Variants in KCNQ1 observed in about 807,000 individuals in gnomAD.
The protein encoded by KCNQ1 is potassium voltage-gated channel subfamily KQT member 1.
A neutral mutation model predicts 72.4 loss-of-function variants in KCNQ1; 49 were observed. That is an observed-to-expected ratio of 0.68 (90% CI 0.54 to 0.86). KCNQ1 has a LOEUF of 0.86. KCNQ1 is among the 40% of genes least tolerant of loss of function. The pLI is 0.00. For missense variants in KCNQ1, 790 were observed against 945.1 expected, an observed-to-expected ratio of 0.84 and a Z score of 2.15; for synonymous variants, 450 against 412.6, an observed-to-expected ratio of 1.09 and a Z score of -1.10.
chr11:2,622,505 A>G (rs1015057444), intron 10 of KCNQ1: 7 of 398,428 alleles, frequency 1.8e-5, no homozygotes, highest in African/African-American at 1.2e-4. Context: ...CATTCTGCCA[A>G]CCTCTGCTTT....
At chr11:2,631,025 T>C in intron 10 of KCNQ1, 1 of 398,548 alleles carries the variant, frequency 2.5e-6, no homozygotes, top group Non-Finnish European at 4.4e-6. Context: ...TCTTCCATTT[T>C]TTACATTTTG....
At chr11:2,539,450 C>T (rs1023239308) in intron 2 of KCNQ1, among the ~76,000 whole-genome samples, 3 of 152,230 alleles carry the variant, frequency 2.0e-5, no homozygotes, top group Non-Finnish European at 4.4e-5. Context: ...TTAGACAATA[C>T]CTGACATCTT....
At chr11:2,641,009 G>T in intron 10 of KCNQ1, 1 of 398,382 alleles carries the variant, frequency 2.5e-6, no homozygotes, top group South Asian at 1.3e-4. Context: ...ATTCTTCTTT[G>T]GTCAATTAGT....
In KCNQ1 at chr11:2,608,633, A is replaced by G; in HGVS notation, c.1393+19779A>G. On this transcript the variant is annotated intron_variant, in intron 10 of 15. Coordinates refer to ENST00000155840, the MANE Select transcript of KCNQ1 (RefSeq NM_000218.3). The surrounding 1 kb of genome is among the most constrained non-coding windows in gnomAD (Gnocchi z 4.6). ...TGCACCACAACACCAGCTGTTATTC[A>G]AAAAATATTTTGTAGAGATAGGGTC... 2.5e-6 allele frequency: 1 copy of G among 397,906 alleles called. No individual in the cohort carries two copies. The allele number at this position is 397,906 out of a possible 1,614,324, so 24.6% of individuals were successfully genotyped here. A position where few individuals can be genotyped will look rare whatever the true frequency, so the allele number is the denominator to read the frequency against.
rs887908875 is a variant in KCNQ1, at chr11:2,645,007, C to A, written c.1394-16954C>A. ...TATGCTGGTACCAGTGTTAGCAAGT[C>A]CAGGGAAACCAATTTTGGGCCTCCA... On this transcript the variant is annotated intron_variant, in intron 10 of 15. Transcript: ENST00000155840. The surrounding 1 kb of genome is among the most constrained non-coding windows in gnomAD (Gnocchi z 5.8). The A allele has an allele frequency of 5.0e-6, 2 of 398,548 alleles. No individual in the cohort carries two copies. The highest frequency in any genetic ancestry group is 4.1e-5 in the African/African-American group (2 of 48,610). 24.7% of individuals were successfully genotyped at this position (398,548 alleles called of 1,614,324 possible). A position where few individuals can be genotyped will look rare whatever the true frequency, so the allele number is the denominator to read the frequency against.
In KCNQ1 at chr11:2,674,316, C is replaced by A. The variant is rs182394521; in HGVS notation, c.1514+12235C>A. The A allele has an allele frequency of 5.6e-4, 222 of 398,718 alleles. No individual in the cohort carries two copies. Among genetic ancestry groups the A allele is most frequent in the Non-Finnish European group, 7.6e-4 (171 of 226,168 alleles). 24.7% of individuals were successfully genotyped at this position (398,718 alleles called of 1,614,324 possible). On this transcript the variant is annotated intron_variant, in intron 11 of 15. Transcript: ENST00000155840. The surrounding 1 kb of genome is among the most constrained non-coding windows in gnomAD (Gnocchi z 5.9). The stretch of plus-strand genomic sequence containing the variant: ...CATCATGCAGCCGTAGAGCTGGAGG[C>A]CAAGGACACCCTCTGGAAATCTGAA...
At chr11:2,636,499 A>G (rs1450035616) in intron 10 of KCNQ1, 7 of 152,040 alleles carry the variant, frequency 4.6e-5, no homozygotes, top group Non-Finnish European at 1.0e-4. Flanking sequence ...ATTGATTTGC[A>G]TATGTTGAAC....
At chr11:2,793,441 G>A (rs1315400626) in intron 15 of KCNQ1, among the ~76,000 whole-genome samples, 4 of 106,182 alleles carry the variant, frequency 3.8e-5, no homozygotes, top group East Asian at 1.9e-4. Flanking sequence ...GCAACATAGC[G>A]AGACCCTGTC....
At chr11:2,685,936 C>G in intron 11 of KCNQ1, 1 of 398,774 alleles carries the variant, frequency 2.5e-6, no homozygotes, top group Non-Finnish European at 4.4e-6. Flanking sequence ...GGCCCACTCT[C>G]CCATCCTCCT....
rs763234280 is a variant in KCNQ1, at chr11:2,642,153, A to G, written c.1394-19808A>G. ...TTTAGGATTTTTTCTATTTCCATGA[A>G]AAATGGCATTGGTATTTTGAGAGAG... On this transcript the variant is annotated intron_variant, in intron 10 of 15. Coordinates refer to ENST00000155840, the MANE Select transcript of KCNQ1 (RefSeq NM_000218.3). The surrounding 1 kb of genome is among the most constrained non-coding windows in gnomAD (Gnocchi z 4.3). 5.0e-6 allele frequency: 2 copies of G among 398,372 alleles called. No individual in the cohort carries two copies. Among genetic ancestry groups the G allele is most frequent in the Non-Finnish European group, 8.8e-6 (2 of 226,000 alleles). 24.7% of individuals were successfully genotyped at this position (398,372 alleles called of 1,614,324 possible).
Position 2,626,474 on chromosome 11 carries a change from C to A in KCNQ1, c.1394-35487C>A. 2.5e-6 allele frequency: 1 copy of A among 398,626 alleles called. No homozygotes were observed. The highest frequency in any genetic ancestry group is 4.4e-6 in the Non-Finnish European group (1 of 226,072). The allele number at this position is 398,626 out of a possible 1,614,324, so 24.7% of individuals were successfully genotyped here. A position where few individuals can be genotyped will look rare whatever the true frequency, so the allele number is the denominator to read the frequency against. ...GCTCTCTATTCAATTCCATTGGTCT[C>A]TACATCTTTATGTCAATACCACATA... is the stretch of plus-strand genomic sequence containing the variant. On this transcript the variant is annotated intron_variant, in intron 10 of 15. Transcript: ENST00000155840. The surrounding 1 kb of genome is among the most constrained non-coding windows in gnomAD (Gnocchi z 4.0).
Position 2,737,546 on chromosome 11 carries a change from A to G in KCNQ1, c.1515-31298A>G, listed in dbSNP as rs769254369. Among the ~76,000 whole-genome samples the G allele has an allele frequency of 4.6e-5, 7 of 152,370 alleles. No homozygotes were observed. The South Asian group carries it at 1.5e-3, about 32-fold the overall frequency. ...ATATTAGCTTAATTTTATAGATTTC[A>G]GAAGTGCTACTTGAAAATAAAAGTC... is the stretch of plus-strand genomic sequence containing the variant. On this transcript the variant is annotated intron_variant, in intron 11 of 15. Transcript: ENST00000155840.
At chr11:2,505,720 G>A (rs981810857) in intron 1 of KCNQ1, among the ~76,000 whole-genome samples, 1 of 152,098 alleles carries the variant, frequency 6.6e-6, no homozygotes, top group Non-Finnish European at 1.5e-5. Flanking sequence ...AGTGTGCAGC[G>A]TCCTCTTTTG....
chr11:2,457,386 G>A lies in KCNQ1; in HGVS notation c.386+11902G>A, dbSNP rs553608388. ...CAGAAAGACATGAGTCAACTCAGGT[G>A]CCTGTCAATGGTAGATCGAATAAAG... On this transcript the variant is annotated intron_variant, in intron 1 of 15. Transcript: ENST00000155840. The surrounding 1 kb of genome is among the most constrained non-coding windows in gnomAD (Gnocchi z 5.0). Among the ~76,000 whole-genome samples the A allele has an allele frequency of 6.6e-6, 1 of 152,312 alleles. No individual in the cohort carries two copies. Among genetic ancestry groups the A allele is most frequent in the South Asian group, 2.1e-4 (1 of 4,826 alleles).
chr11:2,466,127 C>T (rs566124957), intron 1 of KCNQ1, among the ~76,000 whole-genome samples: 1 of 152,312 alleles, frequency 6.6e-6, no homozygotes, highest in South Asian at 2.1e-4. Flanking sequence ...TTTCCTGAGG[C>T]TTTGCCTAGG....
rs893540779 is a variant in KCNQ1, at chr11:2,492,772, G to C, written c.387-35156G>C. ...CTATCATTGATGGGCATTTGGGTTG[G>C]TTCCAAGTCTTTGCTATTGTAAATA... On this transcript the variant is annotated intron_variant, in intron 1 of 15. Coordinates refer to ENST00000155840, the MANE Select transcript of KCNQ1 (RefSeq NM_000218.3). This position sits in a 1 kb window ranked among gnomAD's most constrained non-coding sequence, Gnocchi z 4.1. 1.3e-5 allele frequency among the ~76,000 whole-genome samples: 2 copies of C among 152,142 alleles called. No individual in the cohort carries two copies. The highest frequency in any genetic ancestry group is 2.4e-5 in the African/African-American group (1 of 41,402).
chr11:2,667,486 G>T, intron 11 of KCNQ1: 1 of 374,802 alleles, frequency 2.7e-6, no homozygotes, highest in South Asian at 1.3e-4. Context: ...GTGACAGAGA[G>T]AACATTCACG....
At chr11:2,622,848 C>T (rs968293375) in intron 10 of KCNQ1, 32 of 398,516 alleles carry the variant, frequency 8.0e-5, no homozygotes, top group East Asian at 6.4e-4. Flanking sequence ...CAGAGTGGCA[C>T]GTTTGTTACA....
chr11:2,793,358 A>T (rs1370021759), intron 15 of KCNQ1, among the ~76,000 whole-genome samples: 1 of 151,254 alleles, frequency 6.6e-6, no homozygotes, highest in Non-Finnish European at 1.5e-5. Flanking sequence ...AGTGGCTCAC[A>T]CCTGTAATCC....
Sources: allele counts gnomAD v4.1 joint callset (sites outside exome capture counted in the v4.1 genomes callset), GRCh38; gene constraint gnomAD v4.1.1; non-coding constraint Gnocchi (gnomAD v3.1); transcripts MANE v1.5; gene names NCBI Gene and HGNC (gene_info 2026-07-23, HGNC 2026-07-21).